Variants in FGF14 observed in about 807,000 individuals in gnomAD.
FGF14 encodes fibroblast growth factor 14, also known as fibroblast growth factor homologous factor 4.
A neutral mutation model predicts 25.5 loss-of-function variants in FGF14; 5 were observed. The ratio of observed to expected loss-of-function variants is 0.20; its 90% CI spans 0.10 to 0.41. The LOEUF is 0.41. FGF14 is among the 10% of genes least tolerant of loss of function. The probability of loss-of-function intolerance (pLI) is 1.00; values close to 1 mark genes in which losing one functional copy is unlikely to be tolerated. For synonymous variants in FGF14, 138 were observed against 118.3 expected, an observed-to-expected ratio of 1.17 and a Z score of -1.08; for missense variants, 222 against 320.1, an observed-to-expected ratio of 0.69 and a Z score of 2.34.
chr13:101,820,789 CACACACACACACACACAA>C (rs2042089876), intron 3 of FGF14, among the ~76,000 whole-genome samples: 6 of 30,136 alleles, frequency 2.0e-4, no homozygotes, highest in South Asian at 1.8e-3. Context: ...CACACACACA[CACACACACACACACACAA>C]CACACACACA....
chr13:102,213,841 A>G (rs2050259289), intron 1 of FGF14, among the ~76,000 whole-genome samples: 1 of 152,158 alleles, frequency 6.6e-6, no homozygotes, highest in African/African-American at 2.4e-5. Context: ...CACTAATGAA[A>G]AACAACCTGT....
At chr13:101,815,544 T>A (rs2041799370) in intron 3 of FGF14, among the ~76,000 whole-genome samples, 1 of 152,072 alleles carries the variant, frequency 6.6e-6, no homozygotes. Context: ...GAAGGGCGGA[T>A]TGGAGTTACT....
chr13:102,030,777 A>G (rs901715228), intron 1 of FGF14, among the ~76,000 whole-genome samples: 9 of 152,060 alleles, frequency 5.9e-5, no homozygotes, highest in African/African-American at 1.7e-4. Context: ...ACCTCCCTCC[A>G]GCTTTCTCCC....
chr13:102,393,678 T>G (rs773733996), intron 1 of FGF14: 1 of 152,198 alleles, frequency 6.6e-6, no homozygotes, highest in Non-Finnish European at 1.5e-5. Flanking sequence ...AACCACACAA[T>G]TCTATGAAGC....
chr13:102,275,259 TCTTTCTCTCTCTCTCTCTCTCTC>T (rs2053471398), intron 1 of FGF14, among the ~76,000 whole-genome samples: 1 of 52,366 alleles, frequency 1.9e-5, no homozygotes, highest in Non-Finnish European at 3.8e-5. Context: ...TCTCTCTCTC[TCTTTCTCTCTCTCTCTCTCTCTC>T]TCTCTGCCAC....
chr13:102,295,897 G>A lies in FGF14; in HGVS notation c.208+105574C>T, dbSNP rs185611959. On this transcript the variant is annotated intron_variant, in intron 1 of 4. Transcript: ENST00000376131. ...GCCATCCAGATGATGCAGAGATTGCGAAAATAGATTCCTGAGTTCCCTATC... is the reference window on the plus strand; with the variant it reads ...GCCATCCAGATGATGCAGAGATTGCAAAAATAGATTCCTGAGTTCCCTATC... Among the ~76,000 whole-genome samples, 611 of 152,184 alleles carry A rather than the reference G, an allele frequency of 4.0e-3. 21 individuals are homozygous for A. The highest frequency in any genetic ancestry group is 4.4e-4 in the Non-Finnish European group (30 of 68,004).
rs186508005 is a variant in FGF14, at chr13:102,247,426, A to G, written c.208+154045T>C. Among the ~76,000 whole-genome samples, 432 of 152,302 alleles carry G rather than the reference A, an allele frequency of 2.8e-3. 1 individual carries two copies. Among genetic ancestry groups the G allele is most frequent in the African/African-American group, 9.3e-3 (385 of 41,582 alleles). On this transcript the variant is annotated intron_variant, in intron 1 of 4. Coordinates refer to the FGF14 transcript ENST00000376131. ...AACCCCATTAAAAACAAGTGGGCAA[A>G]GAACATGAACAGGCACTTTTCTAAA...
At chr13:102,275,689 G>A (rs1467605459) in intron 1 of FGF14, among the ~76,000 whole-genome samples, 40 of 152,058 alleles carry the variant, frequency 2.6e-4, no homozygotes, top group Admixed American at 2.6e-3. Context: ...GACTTCTAAA[G>A]TTCTGTCCTG....
intron 1 of FGF14, among the ~76,000 whole-genome samples, chr13:102,117,478 T>A (rs1249136290): frequency 6.6e-6 from 1 of 152,196 alleles, no homozygotes; most frequent in African/African-American, 2.4e-5. Flanking sequence ...GAGGAATCAC[T>A]TGGAGAGCTT....
chr13:102,147,853 T>C (rs750157958), intron 1 of FGF14, among the ~76,000 whole-genome samples: 2 of 152,170 alleles, frequency 1.3e-5, no homozygotes, highest in African/African-American at 2.4e-5. Context: ...TTCTTTTGTT[T>C]AATCTCAATA....
intron 1 of FGF14, among the ~76,000 whole-genome samples, chr13:102,375,785 G>A (rs566795175): frequency 5.9e-5 from 9 of 152,208 alleles, no homozygotes; most frequent in African/African-American, 2.2e-4. Flanking sequence ...TGCCTTGTTT[G>A]TTTTTCCAAT....
At chr13:102,380,765 A>G (rs1214424339) in intron 1 of FGF14, among the ~76,000 whole-genome samples, 1 of 152,218 alleles carries the variant, frequency 6.6e-6, no homozygotes, top group Non-Finnish European at 1.5e-5. Flanking sequence ...AACTAAGTAG[A>G]CAAATTAAAA....
At chr13:102,375,442 G>A (rs2058017062) in intron 1 of FGF14, among the ~76,000 whole-genome samples, 1 of 152,104 alleles carries the variant, frequency 6.6e-6, no homozygotes, top group African/African-American at 2.4e-5. Flanking sequence ...GTAAATTAAT[G>A]ACTGGAAATC....
intron 1 of FGF14, among the ~76,000 whole-genome samples, chr13:102,277,634 G>T (rs2053612406): frequency 6.6e-6 from 1 of 152,212 alleles, no homozygotes; most frequent in Admixed American, 6.5e-5. Flanking sequence ...AGCAGGGGAG[G>T]ATCCCAGGAG....
At chr13:102,249,987 C>A (rs2052088981) in intron 1 of FGF14, among the ~76,000 whole-genome samples, 1 of 152,038 alleles carries the variant, frequency 6.6e-6, no homozygotes, top group Non-Finnish European at 1.5e-5. Flanking sequence ...CTGGACCAGG[C>A]CCAGCCACAA....
At chr13:101,957,907 T>C (rs556537499) in intron 1 of FGF14, among the ~76,000 whole-genome samples, 57 of 151,736 alleles carry the variant, frequency 3.8e-4, no homozygotes, top group Admixed American at 6.6e-4. Flanking sequence ...GAAAAAAAAA[T>C]TGGTGAAGAA....
intron 3 of FGF14, among the ~76,000 whole-genome samples, chr13:101,769,937 C>T (rs540180499): frequency 2.0e-5 from 3 of 152,004 alleles, no homozygotes; most frequent in Non-Finnish European, 4.4e-5. Context: ...CAAGGATAAA[C>T]CCTAATGTAA....
intron 1 of FGF14, among the ~76,000 whole-genome samples, chr13:102,164,771 G>C (rs2047926840): frequency 6.6e-6 from 1 of 152,164 alleles, no homozygotes; most frequent in South Asian, 2.1e-4. Flanking sequence ...TGCAGACAGA[G>C]AGCATCTCAT....
chr13:101,864,762 A>G (rs2044608247), intron 3 of FGF14, among the ~76,000 whole-genome samples: 1 of 152,274 alleles, frequency 6.6e-6, no homozygotes, highest in African/African-American at 2.4e-5. Flanking sequence ...TGCACCTAGA[A>G]CATGGAAGCA....
Sources: gnomAD v4.1 joint callset for allele counts (sites outside exome capture counted in the v4.1 genomes callset) on GRCh38, gnomAD v4.1.1 for gene constraint, MANE v1.5 for transcripts, NCBI Gene and HGNC (gene_info 2026-07-23, HGNC 2026-07-21) for gene names.